Variants in HUS1 observed in about 807,000 individuals in gnomAD.
HUS1 encodes the protein checkpoint protein HUS1.
HUS1 carries 31 observed loss-of-function variants against 32.6 expected under a neutral mutation model. The ratio of observed to expected loss-of-function variants is 0.95; its 90% confidence interval spans 0.72 to 1.28. The LOEUF is 1.28. HUS1 is among the 50% of genes most tolerant of loss of function. The pLI is 0.00. For missense variants in HUS1, 340 were observed against 337.7 expected (o/e 1.01, Z -0.05); for synonymous variants, 123 against 116.6 (o/e 1.06, Z -0.36).
chr7:47,979,114 C>A (rs979236557), intron 1 of HUS1, among the ~76,000 whole-genome samples: 5 of 152,080 alleles, frequency 3.3e-5, no homozygotes, highest in African/African-American at 7.2e-5. Context: ...CAGTTAAATG[C>A]AAGGTTAGGC....
intron 5 of HUS1, among the ~76,000 whole-genome samples, chr7:47,969,696 C>T (rs1009813673): frequency 2.6e-5 from 4 of 151,846 alleles, no homozygotes; most frequent in African/African-American, 9.7e-5. Context: ...GAGTCCTGCA[C>T]TGAGAAGGAA....
intron 5 of HUS1, among the ~76,000 whole-genome samples, chr7:47,973,169 C>A (rs1240482762): frequency 1.3e-5 from 2 of 152,206 alleles, no homozygotes; most frequent in Non-Finnish European, 2.9e-5. Context: ...CTCAGCTATA[C>A]AGGACTGTGA....
At chr7:47,968,020 T>C in intron 6 of HUS1, 95 bp from the exon 7 acceptor site, 1 of 1,311,810 alleles carries the variant, frequency 7.6e-7, no homozygotes, top group Non-Finnish European at 1.0e-6. Context: ...AATGATTCAC[T>C]TTAGCACTGA....
intron 1 of HUS1, 142 bp downstream of exon 1, chr7:47,979,326 C>T (rs1161904585): frequency 4.8e-5 from 18 of 377,650 alleles, no homozygotes; most frequent in African/African-American, 3.5e-4. Flanking sequence ...CCGCGGCCTA[C>T]ACCAGCACCC....
intron 7 of HUS1, among the ~76,000 whole-genome samples, chr7:47,965,726 A>G (rs533620904): frequency 1.3e-5 from 2 of 152,270 alleles, no homozygotes; most frequent in African/African-American, 4.8e-5. Flanking sequence ...CACCCACATG[A>G]GCATCCTTCT....
rs748156015 is a variant in HUS1 at position 47,963,368 on chromosome 7, A to G, written c.*1988T>C. 2.0e-5 allele frequency: 3 copies of G among 152,256 alleles called. No individual in the cohort carries two copies. The highest frequency in any genetic ancestry group is 4.4e-5 in the Non-Finnish European group (3 of 68,050). 9.4% of individuals were successfully genotyped at this position (152,256 alleles called of 1,614,324 possible). On this transcript the variant is annotated 3_prime_UTR_variant, in exon 8 of 8. Coordinates refer to ENST00000258774, the MANE Select transcript of HUS1 (RefSeq NM_004507.4). ...GCCATTCATTAAAATCTTCAAAATT[A>G]TATGTATTTGATAATAAACATCACA...
At chr7:47,977,657 C>T (rs1322100148) in intron 3 of HUS1, among the ~76,000 whole-genome samples, 3 of 152,078 alleles carry the variant, frequency 2.0e-5, no homozygotes, top group African/African-American at 7.2e-5. Context: ...TTTGGGAGGC[C>T]GAGGTAGGTG....
rs373739178 is a variant in HUS1 at position 47,978,677 on chromosome 7, G to A, written c.180+12C>T. 2 of 1,613,936 alleles carry A rather than the reference G, an allele frequency of 1.2e-6. No individual in the cohort carries two copies. The highest frequency in any genetic ancestry group is 1.7e-6 in the Non-Finnish European group (2 of 1,179,944). On this transcript the variant is annotated intron_variant, in intron 2 of 7. Coordinates refer to ENST00000258774, the MANE Select transcript of HUS1 (RefSeq NM_004507.4). ...TGCAGAGTGTGCAGGCCTCTCAGAA[G>A]CTTTTGCTCACCTGTTCCAGCTCAC...
chr7:47,968,064 A>T, intron 6 of HUS1, 139 bp from the exon 7 acceptor site: 1 of 796,404 alleles, frequency 1.3e-6, no homozygotes, highest in South Asian at 2.1e-5. Flanking sequence ...GCAACTTGTA[A>T]ATGTTGTCAT....
Position 47,967,926 on chromosome 7 carries a change from C to T in HUS1, c.641-1G>A. The T allele has an allele frequency of 1.9e-6, 3 of 1,609,576 alleles. No homozygotes were observed. The highest frequency in any genetic ancestry group is 1.7e-6 in the Non-Finnish European group (2 of 1,178,180). ...CTGTCCTCATGGGTGCTTTCAGAGG[C>T]TAAAATGATAGGAATGCATTTAAAT... On this transcript the variant is annotated splice_acceptor_variant, in intron 6 of 7. Transcript: ENST00000258774. LOFTEE classifies it high-confidence loss of function.
chr7:47,979,367 T>C (rs1788777482), intron 1 of HUS1, 101 bp downstream of exon 1: 3 of 1,229,534 alleles, frequency 2.4e-6, no homozygotes, highest in Non-Finnish European at 3.2e-6. Context: ...CGCGGCCCCT[T>C]CCGGCGCCCA....
At chr7:47,965,882 G>A (rs923835714) in intron 7 of HUS1, among the ~76,000 whole-genome samples, 18 of 152,198 alleles carry the variant, frequency 1.2e-4, no homozygotes, top group African/African-American at 2.6e-4. Context: ...TGCCAATCCC[G>A]TGAGGGCCAT....
chr7:47,976,965 T>C, intron 3 of HUS1, 128 bp from the exon 4 acceptor site: 1 of 619,688 alleles, frequency 1.6e-6, no homozygotes, highest in Non-Finnish European at 2.9e-6. Context: ...GTTTATTCAC[T>C]CAAAAGCCAT....
chr7:47,967,136 C>T lies in HUS1; in HGVS notation c.760+670G>A, dbSNP rs932678933. On this transcript the variant is annotated intron_variant, in intron 7 of 7. Coordinates refer to ENST00000258774, the MANE Select transcript of HUS1 (RefSeq NM_004507.4). ...TCAGCCTGGGAGCTATGCTACAAAA[C>T]GTGGAACTTCAAATCCAGGATGCAG... Among the ~76,000 whole-genome samples the T allele has an allele frequency of 1.2e-4, 18 of 152,334 alleles. No homozygotes were observed. The South Asian group carries it at 2.3e-3, about 19-fold the overall frequency.
intron 4 of HUS1, 152 bp from the exon 5 acceptor site, chr7:47,975,839 T>C (rs575171718): frequency 1.6e-5 from 9 of 569,086 alleles, no homozygotes; most frequent in Admixed American, 1.4e-4. Flanking sequence ...CTTTTAAAAA[T>C]ATAAAAAGAA....
intron 7 of HUS1, among the ~76,000 whole-genome samples, chr7:47,965,644 G>A (rs971862024): frequency 2.0e-5 from 3 of 152,204 alleles, no homozygotes. Flanking sequence ...CCCTGTGCGA[G>A]GAGAGGAAAA....
chr7:47,969,577 G>A (rs1788552642), intron 5 of HUS1, among the ~76,000 whole-genome samples: 1 of 152,228 alleles, frequency 6.6e-6, no homozygotes, highest in Non-Finnish European at 1.5e-5. Flanking sequence ...GTGAAGATGT[G>A]AAAACAGGTG....
At chr7:47,973,411 G>T (rs1350723637) in intron 5 of HUS1, among the ~76,000 whole-genome samples, 1 of 152,134 alleles carries the variant, frequency 6.6e-6, no homozygotes, top group Non-Finnish European at 1.5e-5. Context: ...GGATTCACAC[G>T]CATGGTAGAA....
rs3176543 is a variant in HUS1, at chr7:47,973,962, G to A, written c.540+1651C>T. On this transcript the variant is annotated intron_variant, in intron 5 of 7. Transcript: ENST00000258774. Reference sequence around the variant, plus strand: ...TGAAGCCAGCCTGACAACTGGATCAGCATCACTGCAGTCACAGGTGACACC... The same window carrying A: ...TGAAGCCAGCCTGACAACTGGATCAACATCACTGCAGTCACAGGTGACACC... Among the ~76,000 whole-genome samples, 1,150 of 152,288 alleles carry A rather than the reference G, an allele frequency of 7.6e-3. 21 individuals carry two copies. Among genetic ancestry groups the A allele is most frequent in the African/African-American group, 0.026 (1,079 of 41,554 alleles).
Sources: gnomAD v4.1 joint callset for allele counts (sites outside exome capture counted in the v4.1 genomes callset) on GRCh38, gnomAD v4.1.1 for gene constraint, MANE v1.5 for transcripts, NCBI Gene and HGNC (gene_info 2026-07-23, HGNC 2026-07-21) for gene names.